Variants in DGKI observed in about 807,000 individuals in gnomAD.
DGKI encodes diacylglycerol kinase iota.
A neutral mutation model predicts 147.5 loss-of-function variants in DGKI; 55 were observed. The observed-to-expected ratio is 0.37, with a 90% CI of 0.30 to 0.47. DGKI has a LOEUF of 0.47. DGKI is among the 20% of genes least tolerant of loss of function. The pLI is 1.00. For missense variants in DGKI, 1,007 were observed against 1,323.8 expected (o/e 0.76, Z 3.71); for synonymous variants, 469 against 477.1 (o/e 0.98, Z 0.22).
At chr7:137,431,138 T>C (rs1156655171) in intron 28 of DGKI, among the ~76,000 whole-genome samples, 2 of 152,040 alleles carry the variant, frequency 1.3e-5, no homozygotes, top group Non-Finnish European at 2.9e-5. Flanking sequence ...GCCCACAGGA[T>C]AGCTAAAGAA....
At chr7:137,469,515 A>T (rs951183834) in intron 24 of DGKI, 35 bp downstream of exon 24, 1 of 1,609,868 alleles carries the variant, frequency 6.2e-7, no homozygotes, top group South Asian at 1.1e-5. Context: ...AACTTCCCCA[A>T]CTCCCACGAT....
At chr7:137,801,815 C>T (rs1797220771) in intron 1 of DGKI, among the ~76,000 whole-genome samples, 1 of 152,142 alleles carries the variant, frequency 6.6e-6, no homozygotes, top group Non-Finnish European at 1.5e-5. Flanking sequence ...AAGCATCCTC[C>T]AAAAGAATTG....
At chr7:137,589,748 CACAG>C in intron 12 of DGKI, among the ~76,000 whole-genome samples, 1 of 152,322 alleles carries the variant, frequency 6.6e-6, no homozygotes, top group Non-Finnish European at 1.5e-5. Flanking sequence ...GAGCCAGACT[CACAG>C]ACCCACCAGA....
intron 11 of DGKI, among the ~76,000 whole-genome samples, chr7:137,599,607 C>A (rs1408437397): frequency 1.3e-5 from 2 of 152,122 alleles, no homozygotes; most frequent in African/African-American, 4.8e-5. Context: ...CTAGACGTAT[C>A]CTGAGTTAAT....
At chr7:137,774,621 C>T (rs1246304774) in intron 1 of DGKI, 1 of 152,134 alleles carries the variant, frequency 6.6e-6, no homozygotes, top group Admixed American at 6.5e-5. Flanking sequence ...GGTGTTTTTC[C>T]TTCCAGCGGT....
In DGKI at chr7:137,524,435, C is replaced by T. The variant is rs141395026; in HGVS notation, c.2148-2469G>A. 9.9e-5 allele frequency among the ~76,000 whole-genome samples: 15 copies of T among 151,942 alleles called. No homozygotes were observed. The East Asian group carries it at 2.9e-3, about 29-fold the overall frequency. ...AAAAGCACGTCCATATGTAAATAAA[C>T]AATAATGCAGGACAAGAATAAAAAT... On this transcript the variant is annotated intron_variant, in intron 20 of 32. Coordinates refer to ENST00000614521, the MANE Select transcript of DGKI (RefSeq NM_001321708.2).
intron 3 of DGKI, among the ~76,000 whole-genome samples, chr7:137,662,136 C>A (rs1374101395): frequency 2.6e-5 from 4 of 152,142 alleles, no homozygotes; most frequent in Admixed American, 6.5e-5. Flanking sequence ...AGGGCCAAAG[C>A]CCGACCTCCA....
intron 5 of DGKI, among the ~76,000 whole-genome samples, chr7:137,648,383 A>C (rs1322224095): frequency 1.3e-5 from 2 of 152,256 alleles, no homozygotes; most frequent in Admixed American, 1.3e-4. Flanking sequence ...AACACTGTCC[A>C]TAAATCAACA....
At chr7:137,770,350 C>T (rs1035059595) in intron 1 of DGKI, among the ~76,000 whole-genome samples, 26 of 152,094 alleles carry the variant, frequency 1.7e-4, no homozygotes, top group African/African-American at 6.3e-4. Flanking sequence ...AGCATTAGGA[C>T]AAATACCTAA....
intron 1 of DGKI, among the ~76,000 whole-genome samples, chr7:137,753,135 T>C (rs1190152962): frequency 6.6e-6 from 1 of 152,092 alleles, no homozygotes; most frequent in Non-Finnish European, 1.5e-5. Context: ...CTTCTCCCCA[T>C]GAGGTCCCTA....
At chr7:137,746,990 G>A (rs753137665) in intron 1 of DGKI, among the ~76,000 whole-genome samples, 34 of 152,106 alleles carry the variant, frequency 2.2e-4, no homozygotes, top group Non-Finnish European at 4.4e-4. Flanking sequence ...CAGGAGTCAG[G>A]ACCCTGGGAA....
chr7:137,706,392 A>T (rs1226326618), intron 1 of DGKI, among the ~76,000 whole-genome samples: 1 of 151,806 alleles, frequency 6.6e-6, no homozygotes, highest in Non-Finnish European at 1.5e-5. Flanking sequence ...GTTCCAGTTA[A>T]AACAAAATGT....
At chr7:137,711,014 A>G (rs1794193056) in intron 1 of DGKI, among the ~76,000 whole-genome samples, 1 of 152,162 alleles carries the variant, frequency 6.6e-6, no homozygotes, top group Admixed American at 6.5e-5. Flanking sequence ...ATAACTGGAA[A>G]TTCATCCCCG....
At position 137,619,862 on chromosome 7, in the gene DGKI, C is replaced by T; in HGVS notation, c.955G>A (p.Val319Ile). 1.2e-6 allele frequency: 2 copies of T among 1,613,890 alleles called. No individual in the cohort carries two copies. Among genetic ancestry groups the T allele is most frequent in the Non-Finnish European group, 1.7e-6 (2 of 1,179,922 alleles). ...CSLGAHAAVI[V>I]PPTWIIKVKK... Reference sequence around the variant, plus strand: ...ACCTTAATGATCCAAGTGGGCGGGACAATAACAGCAGCATGAGCCCCCAGG... The same window carrying T: ...ACCTTAATGATCCAAGTGGGCGGGATAATAACAGCAGCATGAGCCCCCAGG... Residue 319 changes from valine (V) to isoleucine (I), a missense_variant, in exon 8 of 33, where the codon GTC becomes ATC. This residue lies in a region of DGKI where 259 missense variants were observed against 362.5 expected (regional missense o/e 0.71). Coordinates refer to ENST00000614521, the MANE Select transcript of DGKI (RefSeq NM_001321708.2).
intron 3 of DGKI, among the ~76,000 whole-genome samples, chr7:137,669,881 G>T (rs1479901014): frequency 6.6e-6 from 1 of 152,078 alleles, no homozygotes; most frequent in African/African-American, 2.4e-5. Context: ...ACGAGTATGA[G>T]TCCTAGGAAA....
chr7:137,443,586 C>A (rs1476585775), intron 28 of DGKI, among the ~76,000 whole-genome samples: 2 of 152,188 alleles, frequency 1.3e-5, no homozygotes, highest in Non-Finnish European at 2.9e-5. Flanking sequence ...AACAATTCAT[C>A]TCAACTGGGT....
chr7:137,656,333 G>A (rs1443920618), intron 4 of DGKI, 133 bp downstream of exon 4: 3 of 859,276 alleles, frequency 3.5e-6, no homozygotes, highest in Non-Finnish European at 5.7e-6. Context: ...TAGTAATCTG[G>A]TAATAATGTT....
rs1814025580 is a variant in DGKI, at chr7:137,452,790, A to G, written c.2736-8688T>C. ...CCCCTCTCCTGACCACAGCCCTGAG[A>G]GTTTCCTGGACTTTCTCATTTACCT... On this transcript the variant is annotated intron_variant, in intron 27 of 32. Transcript: ENST00000614521. The G allele has an allele frequency of 1.3e-5, 2 of 152,208 alleles. 1 individual carries two copies. The highest frequency in any genetic ancestry group is 4.1e-4 in the South Asian group (2 of 4,826). 9.4% of individuals were successfully genotyped at this position (152,208 alleles called of 1,614,324 possible).
chr7:137,704,719 T>C (rs1325834468), intron 1 of DGKI, among the ~76,000 whole-genome samples: 1 of 152,142 alleles, frequency 6.6e-6, no homozygotes, highest in African/African-American at 2.4e-5. Context: ...AGAAACATCA[T>C]AGTCAAAATG....
Sources: gnomAD v4.1 joint callset for allele counts (sites outside exome capture counted in the v4.1 genomes callset) on GRCh38, gnomAD v4.1.1 for gene constraint, gnomAD v4.1.1 regional missense constraint, MANE v1.5 for transcripts, NCBI Gene and HGNC (gene_info 2026-07-23, HGNC 2026-07-21) for gene names.